The following SPATC1 variants were observed in gnomAD, a reference collection of about 807,000 sequenced individuals.
SPATC1 encodes the protein speriolin.
In SPATC1, 35 loss-of-function variants were observed where a neutral mutation model predicts 36.5. That is an observed-to-expected ratio of 0.96 (90% CI 0.73 to 1.27). SPATC1 has a LOEUF of 1.27. Ranked by LOEUF, SPATC1 falls within the 50% of genes most tolerant of loss-of-function variation. SPATC1 has a pLI of 0.00. For missense variants in SPATC1, 779 were observed against 796.0 expected (o/e 0.98, Z 0.26); for synonymous variants, 361 against 353.6 (o/e 1.02, Z -0.24).
rs1350047805 is a variant in SPATC1, at chr8:144,026,044, AT to A, written c.211+13319del. On this transcript the variant is annotated intron_variant, in intron 1 of 4. Coordinates refer to ENST00000377470, the MANE Select transcript of SPATC1 (RefSeq NM_198572.3). ...CCACAATCAATTTTAGAACACTTTC[AT>A]CACCCCAAAAAGAAACCTCATCCCC... is the stretch of plus-strand genomic sequence containing the variant. 1.3e-4 allele frequency among the ~76,000 whole-genome samples: 20 copies of A among 152,268 alleles called. No individual in the cohort carries two copies. The South Asian group carries it at 3.9e-3, about 30-fold the overall frequency.
At chr8:144,038,127 A>G (rs74912264) in intron 1 of SPATC1, among the ~76,000 whole-genome samples, 1 of 143,716 alleles carries the variant, frequency 7.0e-6, no homozygotes, top group Non-Finnish European at 1.6e-5. Flanking sequence ...CTCTGTCTCA[A>G]AAAAAAAAAA....
At position 144,040,765 on chromosome 8, in the gene SPATC1, G is replaced by C; in HGVS notation, c.964G>C (p.Val322Leu). 6.2e-7 allele frequency: 1 copy of C among 1,606,640 alleles called. No individual in the cohort carries two copies. Among genetic ancestry groups the C allele is most frequent in the Non-Finnish European group, 8.5e-7 (1 of 1,177,012 alleles). The change falls in exon 3 of 5, where the codon GTC (valine) becomes CTC (leucine). Residue 322 changes from valine to leucine, a missense_variant. Physicochemically the swap from Val to Leu is conservative, Grantham distance 32. Coordinates refer to ENST00000377470, the MANE Select transcript of SPATC1 (RefSeq NM_198572.3). ...AAQEQVVPAS[V>L]PTSPTTSPTV... The stretch of plus-strand genomic sequence containing the variant: ...CCAGGAACAAGTGGTCCCTGCATCT[G>C]TCCCCACCTCCCCCACCACCTCCCC...
upstream of SPATC1, among the ~76,000 whole-genome samples, chr8:144,012,021 T>C (rs1163313094): frequency 6.6e-6 from 1 of 152,156 alleles, no homozygotes; most frequent in Admixed American, 6.5e-5. Context: ...ATATTTACTG[T>C]TTACCTACAA....
intron 1 of SPATC1, among the ~76,000 whole-genome samples, chr8:144,012,991 C>T (rs1554752680): frequency 6.6e-6 from 1 of 152,154 alleles, no homozygotes; most frequent in African/African-American, 2.4e-5. Flanking sequence ...GGCCCTGTAC[C>T]TTGCCCTCCT....
At chr8:144,040,502 G>T (rs782268181) in intron 2 of SPATC1, 39 bp downstream of exon 2, 7 of 1,560,764 alleles carry the variant, frequency 4.5e-6, no homozygotes, top group South Asian at 1.2e-5. Flanking sequence ...AGAGTGGGGG[G>T]GGGCAGAGCC....
intron 1 of SPATC1, among the ~76,000 whole-genome samples, chr8:144,035,809 G>A (rs1834886918): frequency 6.6e-6 from 1 of 152,234 alleles, no homozygotes. Context: ...TGCCCTGGCT[G>A]TGCGGGGACA....
chr8:144,023,748 TCTCTTCCTTCA>T (rs1834605725), intron 1 of SPATC1, among the ~76,000 whole-genome samples: 22 of 298 alleles, frequency 0.074, 11 homozygotes, highest in Non-Finnish European at 0.091. Flanking sequence ...CCCTCAAAAC[TCTCTTCCTTCA>T]GAACCCTTTC....
Position 144,038,908 on chromosome 8 carries a change from G to C in SPATC1, c.212-1001G>C, listed in dbSNP as rs1218572910. ...AACAGAGACCATATAGCTGGCAAAG[G>C]TGGAAGTATTTACCTCCAGACCTTC... On this transcript the variant is annotated intron_variant, in intron 1 of 4. Coordinates refer to ENST00000377470, the MANE Select transcript of SPATC1 (RefSeq NM_198572.3). Among the ~76,000 whole-genome samples, 3 of 152,266 alleles carry C rather than the reference G, an allele frequency of 2.0e-5. No homozygotes were observed. The East Asian group carries it at 5.8e-4, about 29-fold the overall frequency.
rs1331822658 is a variant in SPATC1 at position 144,016,872 on chromosome 8, C to G, written c.211+4146C>G. On this transcript the variant is annotated intron_variant, in intron 1 of 4. Transcript: ENST00000377470. The surrounding 1 kb of genome is among the most constrained non-coding windows in gnomAD (Gnocchi z 4.5). ...CATGTCGGCCTCAAACTCCCGACTT[C>G]AGGTGATCCGCCCACCTTGGCCTCC... Among the ~76,000 whole-genome samples, 8 of 152,218 alleles carry G rather than the reference C, an allele frequency of 5.3e-5. No individual in the cohort carries two copies. Among genetic ancestry groups the G allele is most frequent in the African/African-American group, 1.4e-4 (6 of 41,454 alleles).
intron 1 of SPATC1, among the ~76,000 whole-genome samples, chr8:144,028,248 C>T (rs1289458529): frequency 6.6e-6 from 1 of 152,034 alleles, no homozygotes; most frequent in Non-Finnish European, 1.5e-5. Flanking sequence ...GCAAAAGAAA[C>T]TATCATCAGA....
At chr8:144,030,987 T>C (rs1283223292) in intron 1 of SPATC1, among the ~76,000 whole-genome samples, 3 of 152,208 alleles carry the variant, frequency 2.0e-5, no homozygotes, top group Non-Finnish European at 4.4e-5. Flanking sequence ...ATGTGCACAC[T>C]AGCATATATT....
intron 1 of SPATC1, among the ~76,000 whole-genome samples, chr8:144,014,112 C>T (rs1249827530): frequency 2.0e-5 from 3 of 152,024 alleles, no homozygotes; most frequent in Non-Finnish European, 4.4e-5. Flanking sequence ...GTTAGCCAGG[C>T]GTGGTGGCAC....
chr8:144,014,803 T>C (rs1444113646), intron 1 of SPATC1, among the ~76,000 whole-genome samples: 2 of 152,226 alleles, frequency 1.3e-5, no homozygotes, highest in Admixed American at 1.3e-4. Flanking sequence ...CCCATGTGTG[T>C]CTCACGTGGG....
intron 4 of SPATC1, chr8:144,041,949 T>G (rs1431362573): frequency 1.0e-6 from 1 of 985,076 alleles, no homozygotes; most frequent in African/African-American, 1.7e-5. Context: ...TTGGGTTAGT[T>G]TTGTGTGTGT....
Position 144,047,089 on chromosome 8 carries a change from C to G in SPATC1, c.*133C>G. On this transcript the variant is annotated 3_prime_UTR_variant, in exon 5 of 5. Transcript: ENST00000377470. This position sits in a 1 kb window ranked among gnomAD's most constrained non-coding sequence, Gnocchi z 4.1. Reference sequence around the variant, plus strand: ...GTGCTGCCTCCTCTGGGGTGGCTCACCGGGCCCCGGCACCGTGCCCCTTCA... The same window carrying G: ...GTGCTGCCTCCTCTGGGGTGGCTCAGCGGGCCCCGGCACCGTGCCCCTTCA... 2 of 1,095,634 alleles carry G rather than the reference C, an allele frequency of 1.8e-6. No individual in the cohort carries two copies. The highest frequency in any genetic ancestry group is 2.6e-6 in the Non-Finnish European group (2 of 783,706). The allele number at this position is 1,095,634 out of a possible 1,614,324, so 67.9% of individuals were successfully genotyped here. A position where few individuals can be genotyped will look rare whatever the true frequency, so the allele number is the denominator to read the frequency against.
Position 144,040,065 on chromosome 8 carries a change from C to G in SPATC1, c.368C>G (p.Thr123Arg), listed in dbSNP as rs377586302. The change falls in exon 2 of 5, where the codon ACG becomes AGG. Residue 123 changes from threonine (T) to arginine (R), a missense_variant. Coordinates refer to ENST00000377470, the MANE Select transcript of SPATC1 (RefSeq NM_198572.3). ...LMSPLTGTLS[T>R]LLSGPAPTSQ... ...AGCCCCCTGACAGGCACCCTCAGCA[C>G]GCTGCTGTCTGGCCCAGCACCCACG... 1 of 1,613,174 alleles carries G rather than the reference C, an allele frequency of 6.2e-7. No individual in the cohort carries two copies. Among genetic ancestry groups the G allele is most frequent in the South Asian group, 1.1e-5 (1 of 91,072 alleles).
intron 4 of SPATC1, among the ~76,000 whole-genome samples, chr8:144,042,557 G>A (rs1835144212): frequency 6.6e-6 from 1 of 151,528 alleles, no homozygotes; most frequent in African/African-American, 2.4e-5. Context: ...CCCAACCTCA[G>A]GTGATCCGTC....
At chr8:144,020,522 T>C (rs1420711937) in intron 1 of SPATC1, among the ~76,000 whole-genome samples, 3 of 128,398 alleles carry the variant, frequency 2.3e-5, no homozygotes, top group Non-Finnish European at 4.9e-5. Flanking sequence ...CCCTCTCCCC[T>C]CAGAACCCTC....
chr8:144,034,567 GGGAGTATTTACCCACC>G (rs1834861001), intron 1 of SPATC1, among the ~76,000 whole-genome samples: 1 of 151,998 alleles, frequency 6.6e-6, no homozygotes, highest in African/African-American at 2.4e-5. Flanking sequence ...CAGACACATG[GGGAGTATTTACCCACC>G]TCTTTTTCAG....
Sources: allele counts gnomAD v4.1 joint callset (sites outside exome capture counted in the v4.1 genomes callset), GRCh38; gene constraint gnomAD v4.1.1; non-coding constraint Gnocchi (gnomAD v3.1); transcripts MANE v1.5; gene names NCBI Gene and HGNC (gene_info 2026-07-23, HGNC 2026-07-21).